Variants in SGCD observed in about 807,000 individuals in gnomAD.
SGCD encodes delta-sarcoglycan.
In SGCD, 18 loss-of-function variants were observed where a neutral mutation model predicts 36.6. The observed-to-expected ratio is 0.49, with a 90% CI of 0.34 to 0.73. The LOEUF (loss-of-function observed/expected upper bound fraction) is 0.73. Ranked by LOEUF, SGCD falls within the 30% of genes least tolerant of loss-of-function variation. The pLI is 0.01. For missense variants in SGCD, 387 were observed against 346.7 expected, an observed-to-expected ratio of 1.12 and a Z score of -0.92; for synonymous variants, 133 against 130.6, an observed-to-expected ratio of 1.02 and a Z score of -0.12.
intron 4 of SGCD, among the ~76,000 whole-genome samples, chr5:156,531,960 AT>A (rs1757908712): frequency 6.6e-6 from 1 of 151,944 alleles, no homozygotes; most frequent in Non-Finnish European, 1.5e-5. Flanking sequence ...AATACAAAAA[AT>A]TAGCCGGACA....
intron 6 of SGCD, among the ~76,000 whole-genome samples, chr5:156,610,949 C>T (rs1191852551): frequency 6.6e-6 from 1 of 152,236 alleles, no homozygotes; most frequent in African/African-American, 2.4e-5. Context: ...TCACCCCTTT[C>T]TTTGACTAGG....
chr5:156,660,471 G>A (rs2113626891), intron 7 of SGCD, among the ~76,000 whole-genome samples: 1 of 152,378 alleles, frequency 6.6e-6, no homozygotes, highest in South Asian at 2.1e-4. Flanking sequence ...TAACCAAACA[G>A]GAAGCTGATT....
chr5:155,751,647 G>A, the SGCD span, among the ~76,000 whole-genome samples: 1 of 151,196 alleles, frequency 6.6e-6, no homozygotes, highest in African/African-American at 2.4e-5. Context: ...AAAATGCTGG[G>A]ATTATAGGCG....
chr5:155,882,366 A>G (rs1175481801), intron 1 of SGCD, among the ~76,000 whole-genome samples: 1 of 152,170 alleles, frequency 6.6e-6, no homozygotes. Flanking sequence ...GACATGAGCC[A>G]CTGTTCCTGG....
chr5:155,858,517 G>A, the SGCD span, among the ~76,000 whole-genome samples: 1 of 152,078 alleles, frequency 6.6e-6, no homozygotes, highest in African/African-American at 2.4e-5. Context: ...CAAGGATATT[G>A]GCTTTATAAA....
chr5:156,354,210 G>C (rs529859399), intron 3 of SGCD, among the ~76,000 whole-genome samples: 6 of 152,254 alleles, frequency 3.9e-5, no homozygotes, highest in East Asian at 1.9e-4. Flanking sequence ...GAGGGCACTG[G>C]AAGGCTTCTT....
chr5:156,668,118 A>G (rs924588837), intron 7 of SGCD, among the ~76,000 whole-genome samples: 10 of 152,332 alleles, frequency 6.6e-5, no homozygotes, highest in African/African-American at 1.2e-4. Context: ...CTTCATCACA[A>G]CTGTCCTCAC....
At chr5:156,266,967 C>T (rs903993966) in intron 3 of SGCD, among the ~76,000 whole-genome samples, 3 of 152,128 alleles carry the variant, frequency 2.0e-5, no homozygotes, top group Admixed American at 2.0e-4. Context: ...GATCTTCTTA[C>T]TGTAAGATAT....
chr5:156,009,588 C>T (rs1471691459), intron 1 of SGCD, among the ~76,000 whole-genome samples: 3 of 152,150 alleles, frequency 2.0e-5, no homozygotes, highest in Admixed American at 2.0e-4. Context: ...GCTAATACAA[C>T]GTTCAGCACA....
At chr5:156,720,674 G>A (rs916492359) in intron 7 of SGCD, among the ~76,000 whole-genome samples, 1 of 152,194 alleles carries the variant, frequency 6.6e-6, no homozygotes, top group African/African-American at 2.4e-5. Context: ...ATCAATGGGT[G>A]CCCAGCAGAG....
chr5:156,090,209 T>A (rs557142468), intron 1 of SGCD, among the ~76,000 whole-genome samples: 3 of 152,286 alleles, frequency 2.0e-5, no homozygotes, highest in Admixed American at 6.5e-5. Context: ...TGTCCTTATT[T>A]CCTGATGTTA....
intron 6 of SGCD, among the ~76,000 whole-genome samples, chr5:156,638,039 T>A (rs1184911118): frequency 2.0e-5 from 3 of 152,118 alleles, no homozygotes; most frequent in African/African-American, 7.2e-5. Context: ...TCTTTCACCA[T>A]AGGAAGGCAT....
chr5:156,695,500 GATAGATAGATGGATAGATAGATA>G (rs1754277017), intron 7 of SGCD, among the ~76,000 whole-genome samples: 1 of 110,646 alleles, frequency 9.0e-6, no homozygotes, highest in African/African-American at 5.9e-5. Context: ...TAGATAGATA[GATAGATAGATGGATAGATAGATA>G]GATAGATAGA....
At chr5:156,279,982 C>T (rs1452259456) in intron 3 of SGCD, among the ~76,000 whole-genome samples, 1 of 150,050 alleles carries the variant, frequency 6.7e-6, no homozygotes, top group African/African-American at 2.4e-5. Flanking sequence ...AACACACATA[C>T]AAACACACAC....
rs558821395 is a variant in SGCD at position 155,982,280 on chromosome 5, C to T, written c.-282+111856C>T. On this transcript the variant is annotated intron_variant, in intron 1 of 9. Coordinates refer to the SGCD transcript ENST00000517913. The stretch of plus-strand genomic sequence containing the variant: ...GTCTACTTTTCCCTGATAAGTATTG[C>T]ATCCAGTGCAAGTCCATTCTCAATA... 4.6e-5 allele frequency among the ~76,000 whole-genome samples: 7 copies of T among 152,296 alleles called. 1 individual carries two copies. Among genetic ancestry groups the T allele is most frequent in the African/African-American group, 1.4e-4 (6 of 41,568 alleles).
At chr5:155,744,459 CAAATA>C in the SGCD span, among the ~76,000 whole-genome samples, 6 of 151,178 alleles carry the variant, frequency 4.0e-5, no homozygotes, top group Admixed American at 2.6e-4. Flanking sequence ...GACTCCAACT[CAAATA>C]AAATAAAATA....
At chr5:156,133,952 C>G (rs1483429329) in intron 3 of SGCD, among the ~76,000 whole-genome samples, 1 of 137,852 alleles carries the variant, frequency 7.3e-6, no homozygotes, top group African/African-American at 2.6e-5. Context: ...CACACACACA[C>G]ACACACACAG....
intron 7 of SGCD, among the ~76,000 whole-genome samples, chr5:156,698,262 A>G (rs1452241193): frequency 1.3e-5 from 2 of 152,170 alleles, no homozygotes; most frequent in African/African-American, 4.8e-5. Flanking sequence ...ACAGAACCAA[A>G]CAGAATAAGA....
At chr5:156,098,140 A>C (rs1036079188) in intron 1 of SGCD, among the ~76,000 whole-genome samples, 1 of 152,230 alleles carries the variant, frequency 6.6e-6, no homozygotes, top group African/African-American at 2.4e-5. Flanking sequence ...ACAGGAATAA[A>C]GCAGCTTCTC....
Sources: allele counts gnomAD v4.1 joint callset (sites outside exome capture counted in the v4.1 genomes callset), GRCh38; gene constraint gnomAD v4.1.1; transcripts MANE v1.5; gene names NCBI Gene and HGNC (gene_info 2026-07-23, HGNC 2026-07-21).